ATP8A1: variants seen among roughly 807,000 people sequenced by gnomAD.
ATP8A1 encodes the protein phospholipid-transporting ATPase IA.
In ATP8A1, 90 loss-of-function variants were observed where a neutral mutation model predicts 177.7. That is an observed-to-expected ratio of 0.51 (90% CI 0.43 to 0.60). The LOEUF is 0.60. Ranked by LOEUF, ATP8A1 falls within the 20% of genes least tolerant of loss-of-function variation. The pLI is 0.00. For missense variants in ATP8A1, 1,072 were observed against 1,392.8 expected (o/e 0.77, Z 3.67); for synonymous variants, 493 against 485.9 (o/e 1.01, Z -0.19).
chr4:42,591,541 G>A (rs1734178915), intron 6 of ATP8A1, among the ~76,000 whole-genome samples: 1 of 152,130 alleles, frequency 6.6e-6, no homozygotes, highest in African/African-American at 2.4e-5. Context: ...AGCAATTAAT[G>A]AAGTCTAGAG....
rs139102075 is a variant in ATP8A1 at position 42,549,341 on chromosome 4, A to G, written c.1603-279T>C. Among the ~76,000 whole-genome samples, 9 of 152,332 alleles carry G rather than the reference A, an allele frequency of 5.9e-5. No individual in the cohort carries two copies. In the East Asian group the frequency reaches 1.7e-3, roughly 29 times the overall value. ...AAGAGAATGGAGGGCTTCAAAAGGG[A>G]TGTCGTAAGGAAAGAACTGCCAATG... On this transcript the variant is annotated intron_variant, in intron 18 of 36. Transcript: ENST00000381668.
chr4:42,428,287 A>G (rs1341352520), intron 33 of ATP8A1, among the ~76,000 whole-genome samples: 1 of 152,184 alleles, frequency 6.6e-6, no homozygotes, highest in Non-Finnish European at 1.5e-5. Context: ...TGAGCTCCTA[A>G]CTTGTGGGTC....
At chr4:42,473,820 G>GTGT (rs1560365286) in intron 25 of ATP8A1, among the ~76,000 whole-genome samples, 1 of 131,672 alleles carries the variant, frequency 7.6e-6, no homozygotes. Flanking sequence ...TAATTTTTGT[G>GTGT]TTTTTTTTTT....
chr4:42,511,322 A>G (rs1316526869), intron 22 of ATP8A1, among the ~76,000 whole-genome samples: 1 of 152,232 alleles, frequency 6.6e-6, no homozygotes, highest in Non-Finnish European at 1.5e-5. Flanking sequence ...AATCAATTTC[A>G]TCCCAAATAT....
At chr4:42,513,134 C>T (rs755421837) in intron 22 of ATP8A1, among the ~76,000 whole-genome samples, 3 of 152,148 alleles carry the variant, frequency 2.0e-5, no homozygotes, top group Non-Finnish European at 2.9e-5. Context: ...CACCTGGCTC[C>T]ATCTTGTCTG....
chr4:42,623,751 T>C (rs757738986), intron 4 of ATP8A1, among the ~76,000 whole-genome samples: 2 of 152,194 alleles, frequency 1.3e-5, no homozygotes, highest in South Asian at 4.1e-4. Flanking sequence ...AAGTAACTAA[T>C]AGATGCTCGG....
Position 42,423,667 on chromosome 4 carries a change from G to A in ATP8A1, c.3162C>T (p.Gly1054=), listed in dbSNP as rs762125576. Residue 1054 remains glycine (G), a synonymous_variant, in exon 34 of 37, where the codon GGC becomes GGT. Coordinates refer to ENST00000381668, the MANE Select transcript of ATP8A1 (RefSeq NM_006095.2). ...MLFSSGVFWM[G]LLFIPVASLL... Reference sequence around the variant, plus strand: ...GAGATGCCACAGGGATGAATAACAAGCCCATCCAAAAGACTCCAGAACTGA... The same window carrying A: ...GAGATGCCACAGGGATGAATAACAAACCCATCCAAAAGACTCCAGAACTGA... 6.5e-5 allele frequency: 105 copies of A among 1,612,636 alleles called. No homozygotes were observed. Among genetic ancestry groups the A allele is most frequent in the Non-Finnish European group, 8.6e-5 (102 of 1,179,500 alleles).
At chr4:42,621,062 A>G (rs563889317) in intron 4 of ATP8A1, among the ~76,000 whole-genome samples, 2 of 152,264 alleles carry the variant, frequency 1.3e-5, no homozygotes, top group Non-Finnish European at 2.9e-5. Context: ...AGAAAGTGAC[A>G]AAAGTGTAGT....
intron 24 of ATP8A1, among the ~76,000 whole-genome samples, chr4:42,499,737 AT>A (rs1206171657): frequency 6.6e-6 from 1 of 152,236 alleles, no homozygotes; most frequent in Non-Finnish European, 1.5e-5. Flanking sequence ...CATGGAGGAT[AT>A]AAATAATATC....
intron 6 of ATP8A1, among the ~76,000 whole-genome samples, chr4:42,594,777 C>G (rs917852012): frequency 9.2e-5 from 14 of 152,040 alleles, no homozygotes; most frequent in Admixed American, 2.6e-4. Flanking sequence ...GCTTATAACT[C>G]ATCATTTGGA....
At chr4:42,553,962 A>C (rs979162646) in intron 16 of ATP8A1, among the ~76,000 whole-genome samples, 1 of 152,200 alleles carries the variant, frequency 6.6e-6, no homozygotes, top group Non-Finnish European at 1.5e-5. Flanking sequence ...AAAGAAGGAA[A>C]AAAACGATGT....
chr4:42,596,662 A>G (rs1305222663), intron 6 of ATP8A1, among the ~76,000 whole-genome samples: 2 of 130,090 alleles, frequency 1.5e-5, no homozygotes, highest in Non-Finnish European at 3.2e-5. Context: ...GCGAGACTCC[A>G]TCTCAAAAAA....
At position 42,539,309 on chromosome 4, in the gene ATP8A1, C is replaced by T. The variant is rs552353685; in HGVS notation, c.1722+4608G>A. Reference sequence around the variant, plus strand: ...ATAAAAGACTACATATTGGGTATCGCGTACACTGCTTGGGTGATGGCTGCA... The same window carrying T: ...ATAAAAGACTACATATTGGGTATCGTGTACACTGCTTGGGTGATGGCTGCA... On this transcript the variant is annotated intron_variant, in intron 20 of 36. Coordinates refer to ENST00000381668, the MANE Select transcript of ATP8A1 (RefSeq NM_006095.2). Among the ~76,000 whole-genome samples the T allele has an allele frequency of 5.9e-5, 9 of 151,832 alleles. No homozygotes were observed. In the South Asian group the frequency reaches 1.0e-3, roughly 18 times the overall value.
rs746228205 is a variant in ATP8A1, at chr4:42,586,451, T to C, written c.620A>G (p.Lys207Arg). ...AATCCTCATCAAACTGTCAACGTCT[T>C]TGATATCTGATGTTGCTGGTAAGCC... ...RQGLPATSDI[K>R]DVDSLMRISG... The change falls in exon 9 of 37, where the codon AAA (lysine) becomes AGA (arginine). Residue 207 changes from lysine (K) to arginine (R), a missense_variant. Around this residue, in one of 5 missense-constraint regions of ATP8A1, gnomAD observed 344 missense variants for 393.5 expected, o/e 0.87. Transcript: ENST00000381668. The C allele has an allele frequency of 1.9e-6, 3 of 1,614,090 alleles. No homozygotes were observed. The highest frequency in any genetic ancestry group is 1.1e-5 in the South Asian group (1 of 91,070).
intron 5 of ATP8A1, among the ~76,000 whole-genome samples, chr4:42,601,996 ATTTT>A (rs59533758): frequency 2.9e-5 from 4 of 137,038 alleles, no homozygotes; most frequent in African/African-American, 1.0e-4. Context: ...TGTCTTAGCC[ATTTT>A]TTTTTTATTA....
intron 35 of ATP8A1, among the ~76,000 whole-genome samples, chr4:42,418,704 CCATGGCTCAAAAG>C (rs1330670757): frequency 6.6e-6 from 1 of 152,000 alleles, no homozygotes; most frequent in East Asian, 1.9e-4. Flanking sequence ...CTACCATAAC[CCATGGCTCAAAAG>C]CATGCGTATT....
rs1158379676 is a variant in ATP8A1, at chr4:42,586,390, A to T, written c.681T>A (p.His227Gln). 6.2e-7 allele frequency: 1 copy of T among 1,614,114 alleles called. No individual in the cohort carries two copies. The change falls in exon 9 of 37, where the codon CAT becomes CAA. Residue 227 changes from histidine to glutamine, a missense_variant. By Grantham distance (24) the His-to-Gln change is conservative. Coordinates refer to ENST00000381668, the MANE Select transcript of ATP8A1 (RefSeq NM_006095.2). The stretch of plus-strand genomic sequence containing the variant: ...TTATGTTTCCAACAAAATCGTAGAG[A>T]TGTCTGTTTGGACTTTCACACTCAA... ...GRIECESPNR[H>Q]LYDFVGNIRL...
intron 20 of ATP8A1, among the ~76,000 whole-genome samples, chr4:42,525,397 G>A (rs1358043142): frequency 2.0e-5 from 3 of 148,870 alleles, no homozygotes; most frequent in Admixed American, 6.8e-5. Context: ...AGTGCTCACA[G>A]AAGAACAAAC....
intron 24 of ATP8A1, among the ~76,000 whole-genome samples, chr4:42,486,138 G>A (rs750675679): frequency 5.9e-5 from 9 of 152,126 alleles, no homozygotes; most frequent in African/African-American, 1.2e-4. Flanking sequence ...ATAACCTGAC[G>A]CGTTCACCCC....
Sources: gnomAD v4.1 joint callset for allele counts (sites outside exome capture counted in the v4.1 genomes callset) on GRCh38, gnomAD v4.1.1 for gene constraint, gnomAD v4.1.1 regional missense constraint, MANE v1.5 for transcripts, NCBI Gene and HGNC (gene_info 2026-07-23, HGNC 2026-07-21) for gene names.